Variants in PTPRD observed in about 807,000 individuals in gnomAD.
The protein encoded by PTPRD is protein tyrosine phosphatase receptor type D.
PTPRD carries 34 observed loss-of-function variants against 214.5 expected under a neutral mutation model. The ratio of observed to expected loss-of-function variants is 0.16; its 90% CI spans 0.12 to 0.21. The LOEUF (loss-of-function observed/expected upper bound fraction) is 0.21, where lower values mean the gene tolerates loss of function less well. Among genes scored for constraint, PTPRD ranks in the 10% least tolerant of loss-of-function variants. PTPRD has a pLI of 1.00. For missense variants in PTPRD, 2,545 were observed against 2,398.7 expected (o/e 1.06, Z -1.27); for synonymous variants, 1,128 against 845.7 (o/e 1.33, Z -5.79).
intron 11 of PTPRD, among the ~76,000 whole-genome samples, chr9:9,018,318 G>C (rs1589872548): frequency 1.3e-5 from 2 of 152,116 alleles, no homozygotes; most frequent in African/African-American, 4.8e-5. Flanking sequence ...TGATAGGCTA[G>C]AGGTCACACT....
At chr9:10,240,873 A>G (rs2090889431) in intron 3 of PTPRD, among the ~76,000 whole-genome samples, 1 of 151,898 alleles carries the variant, frequency 6.6e-6, no homozygotes, top group African/African-American at 2.4e-5. Flanking sequence ...AAATAATTAG[A>G]CTTTTTCAAA....
chr9:9,791,875 T>G (rs940119620), intron 5 of PTPRD, among the ~76,000 whole-genome samples: 2 of 152,178 alleles, frequency 1.3e-5, no homozygotes, highest in African/African-American at 2.4e-5. Flanking sequence ...TTGTAAGAAT[T>G]TTCTTATGCT....
intron 4 of PTPRD, among the ~76,000 whole-genome samples, chr9:9,946,065 A>AGTCACCCTTCCCTTTCCCACTTGGGAAG (rs1408491909): frequency 1.3e-5 from 2 of 152,152 alleles, no homozygotes; most frequent in Non-Finnish European, 2.9e-5. Flanking sequence ...CAGTTGGGAA[A>AGTCACCCTTCCCTTTCCCACTTGGGAAG]GTCATCCTTC....
intron 4 of PTPRD, among the ~76,000 whole-genome samples, chr9:9,986,178 A>C (rs1034390979): frequency 6.6e-6 from 1 of 152,150 alleles, no homozygotes; most frequent in South Asian, 2.1e-4. Context: ...AAATTGGTAC[A>C]AAGTTCTGTA....
intron 11 of PTPRD, among the ~76,000 whole-genome samples, chr9:8,741,238 A>G (rs1356354724): frequency 6.6e-6 from 1 of 152,180 alleles, no homozygotes; most frequent in Non-Finnish European, 1.5e-5. Context: ...CTCCCTTTGT[A>G]TCTATTGTTC....
At chr9:9,621,500 CA>C (rs1470266030) in intron 7 of PTPRD, among the ~76,000 whole-genome samples, 1 of 152,112 alleles carries the variant, frequency 6.6e-6, no homozygotes, top group Admixed American at 6.5e-5. Context: ...AAATTATTAC[CA>C]AAACAACTTT....
At chr9:10,238,353 C>G (rs10809043) in intron 3 of PTPRD, among the ~76,000 whole-genome samples, 62,204 of 151,632 alleles carry the variant, frequency 0.41, 14,314 homozygotes, top group East Asian at 0.61. Flanking sequence ...TCTTACCAAT[C>G]AGAACTTGCC....
intron 3 of PTPRD, among the ~76,000 whole-genome samples, chr9:10,099,398 T>C (rs1262598241): frequency 6.6e-6 from 1 of 151,702 alleles, no homozygotes; most frequent in Non-Finnish European, 1.5e-5. Context: ...AGCAAATTAA[T>C]GTAGGAATAA....
chr9:9,557,209 A>C (rs949593798), intron 8 of PTPRD, among the ~76,000 whole-genome samples: 1 of 152,162 alleles, frequency 6.6e-6, no homozygotes, highest in Non-Finnish European at 1.5e-5. Flanking sequence ...TTGAAAAACT[A>C]GTTCAGGCCA....
At chr9:10,354,925 T>C (rs1348942708) in intron 2 of PTPRD, among the ~76,000 whole-genome samples, 3 of 152,224 alleles carry the variant, frequency 2.0e-5, no homozygotes, top group South Asian at 4.1e-4. Flanking sequence ...ATGTGTCCCA[T>C]TGTCCTTGAT....
chr9:8,523,610 C>T, intron 18 of PTPRD, 86 bp from the exon 19 acceptor site: 2 of 1,444,202 alleles, frequency 1.4e-6, no homozygotes, highest in East Asian at 2.3e-5. Flanking sequence ...GTAAAAAGGC[C>T]ATATCAAGGC....
chr9:9,447,836 G>A (rs975039523), intron 8 of PTPRD, among the ~76,000 whole-genome samples: 74 of 152,194 alleles, frequency 4.9e-4, no homozygotes, highest in African/African-American at 1.6e-3. Flanking sequence ...AGACACTGAC[G>A]TAGAAATGTG....
chr9:10,078,340 A>C (rs13291508), intron 3 of PTPRD, among the ~76,000 whole-genome samples: 1 of 139,918 alleles, frequency 7.1e-6, no homozygotes, highest in African/African-American at 2.7e-5. Flanking sequence ...GTGAAACCCC[A>C]TCTCTTCCAA....
In PTPRD at chr9:9,616,114, G is replaced by A. The variant is rs755676484; in HGVS notation, c.-286-41333C>T. Among the ~76,000 whole-genome samples, 8 of 152,044 alleles carry A rather than the reference G, an allele frequency of 5.3e-5. No homozygotes were observed. In the East Asian group the frequency reaches 7.7e-4, roughly 15 times the overall value. ...TTTCCTGGTTCTGCCAAATTGATACGGTAATATACAGGCTCATAAGAAAGA... is the reference window on the plus strand; with the variant it reads ...TTTCCTGGTTCTGCCAAATTGATACAGTAATATACAGGCTCATAAGAAAGA... On this transcript the variant is annotated intron_variant, in intron 7 of 45. Transcript: ENST00000381196.
At chr9:9,939,251 G>C (rs2090654567) in intron 4 of PTPRD, among the ~76,000 whole-genome samples, 1 of 152,142 alleles carries the variant, frequency 6.6e-6, no homozygotes. Context: ...TGTATGAATG[G>C]AATGTGCCAG....
At chr9:8,875,882 C>T (rs2098383972) in intron 11 of PTPRD, among the ~76,000 whole-genome samples, 1 of 152,128 alleles carries the variant, frequency 6.6e-6, no homozygotes, top group South Asian at 2.1e-4. Flanking sequence ...AAAACAGATC[C>T]ACTTCTTCCA....
At chr9:10,492,179 G>C (rs1566485295) in intron 2 of PTPRD, among the ~76,000 whole-genome samples, 1 of 152,142 alleles carries the variant, frequency 6.6e-6, no homozygotes, top group Non-Finnish European at 1.5e-5. Context: ...ATATATGTGT[G>C]TATGTGTCTT....
chr9:10,414,070 A>G (rs548948237), intron 2 of PTPRD, among the ~76,000 whole-genome samples: 1 of 152,120 alleles, frequency 6.6e-6, no homozygotes, highest in East Asian at 1.9e-4. Context: ...CTAAGATGCC[A>G]AAAGCAATAA....
intron 9 of PTPRD, among the ~76,000 whole-genome samples, chr9:9,250,019 G>C (rs1421790746): frequency 6.6e-6 from 1 of 152,034 alleles, no homozygotes. Context: ...AATACTGTTT[G>C]AATAACTACA....
Sources: gnomAD v4.1 joint callset for allele counts (sites outside exome capture counted in the v4.1 genomes callset) on GRCh38, gnomAD v4.1.1 for gene constraint, MANE v1.5 for transcripts, NCBI Gene and HGNC (gene_info 2026-07-23, HGNC 2026-07-21) for gene names.